Variants in DAB1 observed in about 807,000 individuals in gnomAD.
DAB1 encodes the protein DAB adaptor protein 1.
In DAB1, 15 loss-of-function variants were observed where a neutral mutation model predicts 64.6. The observed-to-expected ratio is 0.23, with a 90% CI of 0.16 to 0.36. The LOEUF (loss-of-function observed/expected upper bound fraction) is 0.36, where lower values mean the gene tolerates loss of function less well. DAB1 is among the 10% of genes least tolerant of loss of function. DAB1 has a pLI of 1.00. For missense variants in DAB1, 596 were observed against 706.7 expected, an observed-to-expected ratio of 0.84 and a Z score of 1.78; for synonymous variants, 235 against 251.9, an observed-to-expected ratio of 0.93 and a Z score of 0.64.
At chr1:57,374,656 C>T (rs1680756264) in intron 1 of DAB1, among the ~76,000 whole-genome samples, 1 of 152,178 alleles carries the variant, frequency 6.6e-6, no homozygotes, top group South Asian at 2.1e-4. Context: ...TCTCTTCAGC[C>T]TCTGCCCATG....
chr1:57,547,528 G>T (rs1570615181), intron 7 of DAB1, among the ~76,000 whole-genome samples: 1 of 152,196 alleles, frequency 6.6e-6, no homozygotes, highest in Non-Finnish European at 1.5e-5. Context: ...TTTAAGCAAA[G>T]TTGACAGCTG....
intron 7 of DAB1, among the ~76,000 whole-genome samples, chr1:57,509,119 TAC>T (rs1351491073): frequency 1.3e-5 from 2 of 152,140 alleles, no homozygotes; most frequent in East Asian, 1.9e-4. Flanking sequence ...ATATTATACA[TAC>T]ACACACTGAG....
At chr1:57,044,906 T>C (rs1398857736) in intron 9 of DAB1, among the ~76,000 whole-genome samples, 1 of 152,230 alleles carries the variant, frequency 6.6e-6, no homozygotes, top group African/African-American at 2.4e-5. Context: ...GAACTTCCTC[T>C]GTATGAACCA....
intron 4 of DAB1, among the ~76,000 whole-genome samples, chr1:58,285,429 C>A (rs890973782): frequency 1.3e-5 from 2 of 152,118 alleles, no homozygotes; most frequent in East Asian, 1.9e-4. Context: ...TAGGAAAAAA[C>A]CCATTGTCTC....
intron 4 of DAB1, among the ~76,000 whole-genome samples, chr1:58,180,046 AGTATATAG>A (rs1437885633): frequency 5.3e-5 from 8 of 152,008 alleles, no homozygotes; most frequent in Non-Finnish European, 1.2e-4. Context: ...GATGGGTTAA[AGTATATAG>A]GTGGTTATAT....
chr1:58,399,660 T>G (rs1401219663), intron 3 of DAB1, among the ~76,000 whole-genome samples: 1 of 152,208 alleles, frequency 6.6e-6, no homozygotes, highest in Non-Finnish European at 1.5e-5. Flanking sequence ...AACAATTGTC[T>G]CTCCTTGCAT....
chr1:57,282,569 T>G (rs72905413), intron 2 of DAB1, among the ~76,000 whole-genome samples: 162 of 152,286 alleles, frequency 1.1e-3, no homozygotes, highest in African/African-American at 3.8e-3. Flanking sequence ...CAGTTTATCT[T>G]CAGTGAATGA....
At chr1:57,513,382 C>T (rs573408104) in intron 7 of DAB1, among the ~76,000 whole-genome samples, 40 of 152,186 alleles carry the variant, frequency 2.6e-4, no homozygotes, top group African/African-American at 8.7e-4. Context: ...ATTAACAGTA[C>T]TTATATAATA....
intron 3 of DAB1, among the ~76,000 whole-genome samples, chr1:58,353,438 G>C (rs1644077948): frequency 6.6e-6 from 1 of 152,136 alleles, no homozygotes. Flanking sequence ...CTGCTACCAG[G>C]ACATTAATGC....
chr1:57,203,666 T>G (rs1665290885), intron 2 of DAB1, among the ~76,000 whole-genome samples: 1 of 152,218 alleles, frequency 6.6e-6, no homozygotes, highest in South Asian at 2.1e-4. Flanking sequence ...AGTGATTTGT[T>G]GGTGATAGTG....
At chr1:57,928,668 C>G (rs1346317528) in intron 5 of DAB1, among the ~76,000 whole-genome samples, 1 of 152,176 alleles carries the variant, frequency 6.6e-6, no homozygotes, top group Non-Finnish European at 1.5e-5. Context: ...CAAAGTTTTG[C>G]CTTTTCCACA....
At chr1:58,343,243 AGATG>A (rs144281159) in intron 4 of DAB1, 2,899 of 147,332 alleles carry the variant, frequency 0.02, 27 homozygotes, top group African/African-American at 0.023. Context: ...TGGAACATAT[AGATG>A]GATGGATGGA....
chr1:57,599,278 C>T (rs1005583912), intron 7 of DAB1, among the ~76,000 whole-genome samples: 1 of 151,562 alleles, frequency 6.6e-6, no homozygotes, highest in African/African-American at 2.4e-5. Context: ...GTGGCAGAAC[C>T]TGTACTAAAA....
At chr1:57,824,608 TACATG>T (rs1652263523), downstream of DAB1, among the ~76,000 whole-genome samples, 1 of 152,182 alleles carries the variant, frequency 6.6e-6, no homozygotes, top group African/African-American at 2.4e-5. Context: ...CACAGACTGA[TACATG>T]TCACATTTTC....
chr1:57,290,586 G>A (rs1386448393), intron 2 of DAB1, among the ~76,000 whole-genome samples: 2 of 152,110 alleles, frequency 1.3e-5, no homozygotes, highest in Non-Finnish European at 2.9e-5. Flanking sequence ...ATGCATAGAA[G>A]GCATATGCAG....
intron 2 of DAB1, among the ~76,000 whole-genome samples, chr1:58,518,626 CTTTATCTA>C (rs747661151): frequency 0.31 from 47,216 of 151,756 alleles, 7,790 homozygotes; most frequent in African/African-American, 0.42. Flanking sequence ...GAACGAATAT[CTTTATCTA>C]TAAACCCTGG....
At chr1:58,465,504 AG>A (rs1205893778) in intron 3 of DAB1, among the ~76,000 whole-genome samples, 1 of 152,224 alleles carries the variant, frequency 6.6e-6, no homozygotes, top group East Asian at 1.9e-4. Context: ...TGGGAAAAGG[AG>A]GCTACAGGCT....
At chr1:57,357,045 T>C (rs1679166806) in intron 1 of DAB1, among the ~76,000 whole-genome samples, 1 of 152,060 alleles carries the variant, frequency 6.6e-6, no homozygotes, top group Non-Finnish European at 1.5e-5. Context: ...GTTCATCCTG[T>C]GAAGTCATTA....
At chr1:58,206,732 T>C (rs1658303097) in intron 4 of DAB1, among the ~76,000 whole-genome samples, 1 of 152,242 alleles carries the variant, frequency 6.6e-6, no homozygotes, top group Non-Finnish European at 1.5e-5. Flanking sequence ...GAGTTTAAGC[T>C]TTTATTGAGC....
Sources: gnomAD v4.1 joint callset for allele counts (sites outside exome capture counted in the v4.1 genomes callset) on GRCh38, gnomAD v4.1.1 for gene constraint, MANE v1.5 for transcripts, NCBI Gene and HGNC (gene_info 2026-07-23, HGNC 2026-07-21) for gene names.